Variants in PDE4C observed in about 807,000 individuals in gnomAD.
The protein encoded by PDE4C is phosphodiesterase 4C.
Under a neutral mutation model 63.9 loss-of-function variants are expected in PDE4C, and 50 were observed. The ratio of observed to expected loss-of-function variants is 0.78; its 90% CI spans 0.62 to 0.99. The LOEUF (loss-of-function observed/expected upper bound fraction) is 0.99. Ranked by LOEUF, PDE4C falls within the 50% of genes least tolerant of loss-of-function variation. PDE4C has a pLI of 0.00. For synonymous variants in PDE4C, 377 were observed against 385.1 expected (o/e 0.98, Z 0.25); for missense variants, 777 against 899.1 (o/e 0.86, Z 1.74).
rs1394051109 is a variant in PDE4C, at chr19:18,220,539, C to T, written c.500-24G>A. 1.3e-6 allele frequency: 2 copies of T among 1,543,062 alleles called. No homozygotes were observed. The highest frequency in any genetic ancestry group is 1.8e-6 in the Non-Finnish European group (2 of 1,136,492). ...CTCTGGGAGCCGAGGCAGTCAGGGG[C>T]CTGCCCAACCCCCCCGCTCAGGGAC... is the stretch of plus-strand genomic sequence containing the variant. On this transcript the variant is annotated intron_variant, in intron 5 of 14. Transcript: ENST00000262805. This position sits in a 1 kb window ranked among gnomAD's most constrained non-coding sequence, Gnocchi z 5.1.
At chr19:18,211,763 G>C in exon 14 of PDE4C, 1 of 1,614,188 alleles carries the variant, frequency 6.2e-7, no homozygotes, top group South Asian at 1.1e-5. Flanking sequence ...GCCAACCTGG[G>C]ACTTCTCCAC....
exon 1 of PDE4C, chr19:18,233,018 C>T: frequency 1.3e-6 from 2 of 1,538,814 alleles, no homozygotes; most frequent in Non-Finnish European, 1.8e-6. Context: ...TCAGGTCCCT[C>T]TCGCGGCAGC....
intron 1 of PDE4C, among the ~76,000 whole-genome samples, chr19:18,246,628 A>C (rs973107352): frequency 6.6e-6 from 1 of 152,052 alleles, no homozygotes; most frequent in Non-Finnish European, 1.5e-5. Flanking sequence ...TTTTTAACAC[A>C]CAAAAACGCT....
At chr19:18,213,227 T>C in intron 13 of PDE4C, 141 bp downstream of exon 13, 1 of 606,204 alleles carries the variant, frequency 1.6e-6, no homozygotes, top group Non-Finnish European at 2.5e-6. Flanking sequence ...GAGCTTGCAC[T>C]GAGCCAAGAT....
upstream of PDE4C, among the ~76,000 whole-genome samples, chr19:18,237,250 T>C (rs961807020): frequency 6.6e-6 from 1 of 152,072 alleles, no homozygotes; most frequent in Non-Finnish European, 1.5e-5. Flanking sequence ...CGTGGGGGGA[T>C]ATAAATAGTG....
At position 18,232,940 on chromosome 19, in the gene PDE4C, G is replaced by C. The variant is rs755669604; in HGVS notation, c.242+10C>G. ...CCGCGCTGCAGGAGGCCCCTGCCCC[G>C]GCCACCTACCGCCTGCAGGAGGAAA... On this transcript the variant is annotated intron_variant, in intron 1 of 14. Transcript: ENST00000594465. The C allele has an allele frequency of 5.3e-5, 76 of 1,430,624 alleles. No homozygotes were observed. In the Admixed American group the frequency reaches 2.0e-3, roughly 38 times the overall value. 88.6% of individuals were successfully genotyped at this position (1,430,624 alleles called of 1,614,324 possible). A position where few individuals can be genotyped will look rare whatever the true frequency, so the allele number is the denominator to read the frequency against.
upstream of PDE4C, among the ~76,000 whole-genome samples, chr19:18,227,143 T>C (rs1452547539): frequency 2.0e-5 from 3 of 152,154 alleles, no homozygotes; most frequent in Non-Finnish European, 4.4e-5. Flanking sequence ...TTTCTAATCC[T>C]CCTCTGCCCA....
At chr19:18,237,466 G>A (rs979709005), upstream of PDE4C, among the ~76,000 whole-genome samples, 4 of 152,092 alleles carry the variant, frequency 2.6e-5, no homozygotes, top group South Asian at 2.1e-4. Flanking sequence ...CAGAAGAATC[G>A]CTTGAACCTG....
rs1159065154 is a variant in PDE4C, at chr19:18,220,358, A to C, written c.613-39T>G. ...AAGGTGAAGACCGTGATGATGGGGC[A>C]CCGTGGGCCGAGGCAGGTGAGCTCA... On this transcript the variant is annotated intron_variant, in intron 6 of 14. Coordinates refer to ENST00000262805, the Ensembl canonical transcript of PDE4C. The surrounding 1 kb of genome is among the most constrained non-coding windows in gnomAD (Gnocchi z 5.1). 1.9e-6 allele frequency: 3 copies of C among 1,612,552 alleles called. No individual in the cohort carries two copies. The South Asian group carries it at 3.3e-5, about 18-fold the overall frequency.
chr19:18,251,540 T>C (rs1346174063), upstream of PDE4C, among the ~76,000 whole-genome samples: 1 of 151,850 alleles, frequency 6.6e-6, no homozygotes, highest in Non-Finnish European at 1.5e-5. Flanking sequence ...GTTCAAGCGA[T>C]TCTCCTGCCT....
rs540297498 is a variant in PDE4C at position 18,233,024 on chromosome 19, G to A, written c.168C>T (p.Cys56=). The change falls in exon 1 of 15, where the codon TGC becomes TGT. Residue 56 remains cysteine (C), a synonymous_variant. Coordinates refer to the PDE4C transcript ENST00000594465. ...GCCGCGGGCTCAGGTCCCTCTCGCGGCAGCCCGCGGACTTGTCCGGATCCG... is the reference window on the plus strand; with the variant it reads ...GCCGCGGGCTCAGGTCCCTCTCGCGACAGCCCGCGGACTTGTCCGGATCCG... The A allele has an allele frequency of 6.1e-5, 94 of 1,541,396 alleles. 1 individual carries two copies. In the African/African-American group the frequency reaches 1.1e-3, roughly 18 times the overall value.
At chr19:18,242,685 TGACGTAA>T (rs1442223967) in intron 1 of PDE4C, among the ~76,000 whole-genome samples, 10 of 149,192 alleles carry the variant, frequency 6.7e-5, no homozygotes, top group Non-Finnish European at 1.5e-4. Context: ...CTTGGGAGGC[TGACGTAA>T]GGGAATTGCT....
At chr19:18,244,910 A>G (rs1392103771) in intron 1 of PDE4C, among the ~76,000 whole-genome samples, 1 of 151,254 alleles carries the variant, frequency 6.6e-6, no homozygotes, top group Non-Finnish European at 1.5e-5. Flanking sequence ...ATATTGTCTC[A>G]CTGCAACCTC....
upstream of PDE4C, chr19:18,233,674 G>T: frequency 2.8e-6 from 1 of 361,642 alleles, no homozygotes; most frequent in South Asian, 2.0e-5. Flanking sequence ...GTAGCTTTGG[G>T]TTCTCCGGGT....
intron 1 of PDE4C, among the ~76,000 whole-genome samples, chr19:18,232,557 C>T (rs1290497091): frequency 3.9e-5 from 6 of 152,050 alleles, no homozygotes; most frequent in Non-Finnish European, 8.8e-5. Flanking sequence ...CAGTCACACT[C>T]AGCCACATAC....
chr19:18,238,584 T>A (rs1484873759), upstream of PDE4C, among the ~76,000 whole-genome samples: 1 of 152,140 alleles, frequency 6.6e-6, no homozygotes, highest in Non-Finnish European at 1.5e-5. Flanking sequence ...GTATGTTTAT[T>A]TTTATAACAT....
chr19:18,221,816 G>A (rs879476468), intron 2 of PDE4C, among the ~76,000 whole-genome samples: 17 of 152,252 alleles, frequency 1.1e-4, no homozygotes, highest in Admixed American at 1.1e-3. Flanking sequence ...AGTAGTGACA[G>A]GGTTTCACCA....
chr19:18,241,026 G>A (rs1242203646), intron 1 of PDE4C, among the ~76,000 whole-genome samples: 1 of 151,958 alleles, frequency 6.6e-6, no homozygotes, highest in African/African-American at 2.4e-5. Flanking sequence ...CCCCGCATTT[G>A]AGCACAACTT....
At chr19:18,250,669 C>G (rs1600109396), upstream of PDE4C, among the ~76,000 whole-genome samples, 1 of 151,812 alleles carries the variant, frequency 6.6e-6, no homozygotes, top group East Asian at 1.9e-4. Context: ...TGCAGTAGTG[C>G]AATCACAGCT....
Sources: gnomAD v4.1 joint callset for allele counts (sites outside exome capture counted in the v4.1 genomes callset) on GRCh38, gnomAD v4.1.1 for gene constraint, Gnocchi (gnomAD v3.1) non-coding constraint, MANE v1.5 for transcripts, NCBI Gene and HGNC (gene_info 2026-07-23, HGNC 2026-07-21) for gene names.